ZFHX3: variants seen among roughly 807,000 people sequenced by gnomAD.
ZFHX3 encodes zinc finger homeobox 3.
Under a neutral mutation model 279.1 loss-of-function variants are expected in ZFHX3, and 42 were observed. The observed-to-expected ratio is 0.15, with a 90% CI of 0.12 to 0.19. The LOEUF (loss-of-function observed/expected upper bound fraction) is 0.19, where lower values mean the gene tolerates loss of function less well. Among genes scored for constraint, ZFHX3 ranks in the 10% least tolerant of loss-of-function variants. ZFHX3 has a pLI of 1.00. For missense variants in ZFHX3, 4,981 were observed against 4,754.0 expected, an observed-to-expected ratio of 1.05 and a Z score of -1.40; for synonymous variants, 2,293 against 1,957.8, an observed-to-expected ratio of 1.17 and a Z score of -4.52.
At chr16:73,244,175 G>T (rs780339076) in intron 5 of ZFHX3, among the ~76,000 whole-genome samples, 1 of 152,166 alleles carries the variant, frequency 6.6e-6, no homozygotes, top group African/African-American at 2.4e-5. Context: ...CTGGTCCATC[G>T]GAGGAGGGTT....
At chr16:73,840,645 C>T (rs1961279226) in intron 1 of ZFHX3, among the ~76,000 whole-genome samples, 1 of 152,140 alleles carries the variant, frequency 6.6e-6, no homozygotes, top group African/African-American at 2.4e-5. Context: ...GTCCATAGCA[C>T]CTAAAGAGCC....
chr16:73,788,617 C>T (rs139120702), intron 1 of ZFHX3, among the ~76,000 whole-genome samples: 40 of 152,194 alleles, frequency 2.6e-4, no homozygotes, highest in African/African-American at 8.9e-4. Context: ...GCTTAGCACG[C>T]AGACAACTAG....
chr16:73,266,084 G>C (rs759845694), intron 4 of ZFHX3, among the ~76,000 whole-genome samples: 23 of 152,208 alleles, frequency 1.5e-4, no homozygotes, highest in Non-Finnish European at 2.8e-4. Context: ...AAGTTTTTCA[G>C]GAGAAAGATC....
intron 7 of ZFHX3, among the ~76,000 whole-genome samples, chr16:72,802,568 G>C (rs887885104): frequency 6.6e-6 from 1 of 152,130 alleles, no homozygotes; most frequent in African/African-American, 2.4e-5. Context: ...AAAAAGGGGG[G>C]GTTGGTATAT....
chr16:73,143,747 C>T lies in ZFHX3; in HGVS notation c.-1024+5G>A, dbSNP rs370520742. On this transcript the variant is annotated splice_donor_5th_base_variant and intron_variant, in intron 6 of 17. Transcript: ENST00000641206. The stretch of plus-strand genomic sequence containing the variant: ...TCATTGAGAAACAAGAAAGCTGGAA[C>T]TCACCTCTCTAATTCCGGCAAAGCT... 1.5e-6 allele frequency: 2 copies of T among 1,305,060 alleles called. No individual in the cohort carries two copies. Among genetic ancestry groups the T allele is most frequent in the African/African-American group, 3.0e-5 (2 of 65,854 alleles). 80.8% of individuals were successfully genotyped at this position (1,305,060 alleles called of 1,614,324 possible).
rs189358968 is a variant in ZFHX3, at chr16:72,989,182, A to C, written c.-49-28988T>G. On this transcript the variant is annotated intron_variant, in intron 1 of 9. Coordinates refer to ENST00000268489, the MANE Select transcript of ZFHX3 (RefSeq NM_006885.4). ...CAGCAAGACGCTGTCTCAAATTAAA[A>C]AAAAAAAAAAATTAAAACAGAGCCA... 1.8e-3 allele frequency among the ~76,000 whole-genome samples: 272 copies of C among 152,014 alleles called. 1 individual carries two copies. The Middle Eastern group carries it at 0.031, about 17-fold the overall frequency.
At chr16:73,298,788 C>G (rs1007626373) in intron 4 of ZFHX3, among the ~76,000 whole-genome samples, 1 of 152,166 alleles carries the variant, frequency 6.6e-6, no homozygotes, top group African/African-American at 2.4e-5. Flanking sequence ...TCCAGGAATA[C>G]CTACCATATG....
At chr16:73,403,981 G>A (rs1051550244) in intron 3 of ZFHX3, among the ~76,000 whole-genome samples, 8 of 152,108 alleles carry the variant, frequency 5.3e-5, no homozygotes, top group African/African-American at 1.9e-4. Context: ...AAAGACTCCT[G>A]TGGGGAATTT....
exon 2 of ZFHX3, chr16:73,680,214 G>A (rs1337511931): frequency 6.6e-6 from 1 of 151,582 alleles, no homozygotes; most frequent in Non-Finnish European, 1.5e-5. Context: ...TCTTCTTTTG[G>A]TTTCAGAATT....
rs1040280631 is a variant in ZFHX3, at chr16:73,163,818, T to A, written c.-1103-19987A>T. Among the ~76,000 whole-genome samples the A allele has an allele frequency of 1.9e-4, 29 of 151,884 alleles. 1 individual carries two copies. Among genetic ancestry groups the A allele is most frequent in the Admixed American group, 1.3e-3 (20 of 15,250 alleles). ...TAACTTTCCATATCAATATTTTACA[T>A]AAATAAATAAATAAAAATACTACTG... On this transcript the variant is annotated intron_variant, in intron 5 of 17. Coordinates refer to the ZFHX3 transcript ENST00000641206.
intron 1 of ZFHX3, among the ~76,000 whole-genome samples, chr16:73,056,296 A>ACAGCAACTC (rs1363584331): frequency 2.0e-5 from 3 of 152,302 alleles, no homozygotes; most frequent in African/African-American, 7.2e-5. Context: ...TCATACACAC[A>ACAGCAACTC]CAGCAACTCA....
chr16:72,960,343 G>C (rs1597020793), intron 1 of ZFHX3, 149 bp from the exon 2 acceptor site: 2 of 590,522 alleles, frequency 3.4e-6, no homozygotes, highest in Admixed American at 3.5e-5. Context: ...GCGGAGGGCG[G>C]GCCTGGGGAC....
intron 5 of ZFHX3, among the ~76,000 whole-genome samples, chr16:73,183,205 A>G (rs1219695190): frequency 2.0e-5 from 3 of 152,194 alleles, no homozygotes; most frequent in South Asian, 2.1e-4. Flanking sequence ...ACTCCGTCTA[A>G]AACAAAACAA....
At chr16:73,766,818 G>A (rs992178018) in intron 1 of ZFHX3, among the ~76,000 whole-genome samples, 5 of 152,040 alleles carry the variant, frequency 3.3e-5, no homozygotes, top group Non-Finnish European at 7.4e-5. Context: ...CATGGAAAAT[G>A]ATCTGATCTG....
chr16:73,501,142 T>C (rs2019232752), intron 2 of ZFHX3, among the ~76,000 whole-genome samples: 1 of 152,246 alleles, frequency 6.6e-6, no homozygotes, highest in Non-Finnish European at 1.5e-5. Context: ...ATGCCTATAG[T>C]ATTCACTACA....
intron 1 of ZFHX3, among the ~76,000 whole-genome samples, chr16:73,682,884 A>C (rs892116617): frequency 3.4e-5 from 1 of 29,514 alleles, no homozygotes; most frequent in East Asian, 3.6e-3. Flanking sequence ...GAAAGAAAGA[A>C]AGAAAGAAAG....
intron 2 of ZFHX3, among the ~76,000 whole-genome samples, chr16:73,623,269 C>T (rs2052383468): frequency 6.6e-6 from 1 of 152,232 alleles, no homozygotes; most frequent in Non-Finnish European, 1.5e-5. Context: ...ATCTCCTGAC[C>T]TCGTGATCCG....
At chr16:73,508,446 T>C (rs1485909221) in intron 2 of ZFHX3, among the ~76,000 whole-genome samples, 3 of 152,194 alleles carry the variant, frequency 2.0e-5, no homozygotes, top group African/African-American at 7.2e-5. Context: ...TATACCACCA[T>C]GGAATACTCC....
chr16:73,705,686 T>TC (rs1333434657), intron 1 of ZFHX3, among the ~76,000 whole-genome samples: 15 of 152,294 alleles, frequency 9.8e-5, no homozygotes, highest in Middle Eastern at 6.8e-3. Context: ...GCTTTAACAT[T>TC]GAGTGTGATC....
Sources: gnomAD v4.1 joint callset for allele counts (sites outside exome capture counted in the v4.1 genomes callset) on GRCh38, gnomAD v4.1.1 for gene constraint, MANE v1.5 for transcripts, NCBI Gene and HGNC (gene_info 2026-07-23, HGNC 2026-07-21) for gene names.